The following TTC3 variants were observed in gnomAD, a reference collection of about 807,000 sequenced individuals.
TTC3 encodes the protein tetratricopeptide repeat domain 3, also known as E3 ubiquitin-protein ligase TTC3.
TTC3 carries 180 observed loss-of-function variants against 249.6 expected under a neutral mutation model. The ratio of observed to expected loss-of-function variants is 0.72; its 90% confidence interval spans 0.64 to 0.82. The LOEUF is 0.82. Among genes scored for constraint, TTC3 ranks in the 40% least tolerant of loss-of-function variants. The pLI, the probability that TTC3 is intolerant of heterozygous loss-of-function variation, is 0.00. For missense variants in TTC3, 2,061 were observed against 2,398.4 expected (o/e 0.86, Z 2.94); for synonymous variants, 717 against 805.0 (o/e 0.89, Z 1.85).
intron 15 of TTC3, among the ~76,000 whole-genome samples, chr21:37,127,314 G>A (rs957493719): frequency 6.6e-6 from 1 of 152,104 alleles, no homozygotes; most frequent in East Asian, 1.9e-4. Context: ...CCATAACAGT[G>A]CTGTAGGCTA....
At chr21:37,126,773 C>T (rs77113700) in intron 15 of TTC3, among the ~76,000 whole-genome samples, 2,743 of 152,228 alleles carry the variant, frequency 0.018, 40 homozygotes, top group South Asian at 0.032. Context: ...GTCTTCTTCC[C>T]GGTTCATAGA....
intron 16 of TTC3, among the ~76,000 whole-genome samples, chr21:37,132,337 T>C (rs2077538323): frequency 2.1e-5 from 1 of 46,786 alleles, no homozygotes; most frequent in Admixed American, 2.6e-4. Flanking sequence ...TTTTTTTTCT[T>C]TTTTTTTTTT....
At chr21:37,107,076 GT>G (rs71198849) in intron 10 of TTC3, among the ~76,000 whole-genome samples, 60,446 of 135,198 alleles carry the variant, frequency 0.45, 12,761 homozygotes, top group Non-Finnish European at 0.51. Context: ...TATCTAGTTG[GT>G]TTTTTTTTTT....
In TTC3 at chr21:37,191,425, G is replaced by T; in HGVS notation, c.5115+1G>T. ...TACAAAAGAAATTGAGAAAGCAAAGGTAAGTTGTAAACATCTTTTAATCCC... is the reference window on the plus strand; with the variant it reads ...TACAAAAGAAATTGAGAAAGCAAAGTTAAGTTGTAAACATCTTTTAATCCC... On this transcript the variant is annotated splice_donor_variant, in intron 40 of 45. Coordinates refer to ENST00000355666, the Ensembl canonical transcript of TTC3. LOFTEE classifies it high-confidence loss of function. The T allele has an allele frequency of 6.4e-7, 1 of 1,555,122 alleles. No individual in the cohort carries two copies. The highest frequency in any genetic ancestry group is 8.7e-7 in the Non-Finnish European group (1 of 1,150,338).
At chr21:37,112,595 C>T (rs974481894) in intron 11 of TTC3, among the ~76,000 whole-genome samples, 6 of 152,132 alleles carry the variant, frequency 3.9e-5, no homozygotes, top group South Asian at 4.1e-4. Flanking sequence ...GATTCACAGC[C>T]GAATTCTACC....
At chr21:37,127,667 T>G (rs2077140719) in intron 15 of TTC3, among the ~76,000 whole-genome samples, 1 of 152,174 alleles carries the variant, frequency 6.6e-6, no homozygotes, top group Non-Finnish European at 1.5e-5. Flanking sequence ...GATTTTTTAG[T>G]TAGTGATCCT....
intron 45 of TTC3, among the ~76,000 whole-genome samples, chr21:37,201,081 G>C (rs983607130): frequency 2.0e-5 from 3 of 152,206 alleles, no homozygotes; most frequent in Admixed American, 6.5e-5. Flanking sequence ...CCAGGCCAAG[G>C]GATGGGCTAA....
chr21:37,201,310 A>G, intron 45 of TTC3, 130 bp from the exon 46 acceptor site: 2 of 1,136,280 alleles, frequency 1.8e-6, no homozygotes, highest in East Asian at 4.7e-5. Context: ...GTCCCTGAGT[A>G]TTGGGCAGCT....
chr21:37,138,841 T>TAAAAATCTGAA, intron 19 of TTC3, 127 bp downstream of exon 19: 1 of 545,338 alleles, frequency 1.8e-6, no homozygotes, highest in Non-Finnish European at 3.0e-6. Flanking sequence ...ATATCTCAGT[T>TAAAAATCTGAA]TAATTTAGTT....
At chr21:37,091,248 G>T in intron 6 of TTC3, 45 bp from the exon 7 acceptor site, 2 of 1,580,874 alleles carry the variant, frequency 1.3e-6, no homozygotes, top group South Asian at 2.3e-5. Flanking sequence ...TGCAAATTTA[G>T]AATTAATAAC....
At chr21:37,102,363 A>G (rs377651116) in intron 10 of TTC3, among the ~76,000 whole-genome samples, 18 of 152,310 alleles carry the variant, frequency 1.2e-4, no homozygotes, top group African/African-American at 4.3e-4. Flanking sequence ...ATGGCTTGCA[A>G]AATTCTTGCA....
intron 36 of TTC3, among the ~76,000 whole-genome samples, chr21:37,184,441 G>A (rs1037571397): frequency 7.9e-5 from 12 of 151,046 alleles, no homozygotes; most frequent in Non-Finnish European, 4.4e-5. Flanking sequence ...TAAGCCACAC[G>A]CTTCTCTCTA....
At chr21:37,151,999 A>G (rs751741743) in exon 26 of TTC3, 1 of 1,596,844 alleles carries the variant, frequency 6.3e-7, no homozygotes, top group Non-Finnish European at 8.5e-7. Flanking sequence ...CTTAAGAGAA[A>G]GTAATCCACC....
chr21:37,101,604 A>G (rs917890486), intron 10 of TTC3, among the ~76,000 whole-genome samples: 3 of 152,170 alleles, frequency 2.0e-5, no homozygotes, highest in African/African-American at 7.2e-5. Flanking sequence ...TCATCTCTTC[A>G]GATCCTTGTG....
At chr21:37,150,029 C>A in intron 23 of TTC3, 49 bp from the exon 24 acceptor site, 1 of 1,325,130 alleles carries the variant, frequency 7.5e-7, no homozygotes, top group South Asian at 1.3e-5. Flanking sequence ...TAGATTTATC[C>A]CCCCTAGACA....
chr21:37,097,215 TTTTA>T lies in TTC3; in HGVS notation c.845+579_845+582del, dbSNP rs1271920203. 5.3e-5 allele frequency among the ~76,000 whole-genome samples: 8 copies of T among 152,262 alleles called. No homozygotes were observed. The East Asian group carries it at 1.3e-3, about 26-fold the overall frequency. ...TCCTTATATTGAATTTGAGCTGAGT[TTTTA>T]TTTATTAGCTAAGAAAGATTGAGAA... is the stretch of plus-strand genomic sequence containing the variant. On this transcript the variant is annotated intron_variant, in intron 10 of 45. Transcript: ENST00000355666.
intron 11 of TTC3, among the ~76,000 whole-genome samples, chr21:37,109,427 C>A (rs2075398276): frequency 6.6e-6 from 1 of 152,248 alleles, no homozygotes; most frequent in African/African-American, 2.4e-5. Context: ...CCGCACCTGG[C>A]TCGGAGGGTC....
At chr21:37,133,492 A>G (rs1021940297) in intron 17 of TTC3, among the ~76,000 whole-genome samples, 1 of 152,238 alleles carries the variant, frequency 6.6e-6, no homozygotes, top group Non-Finnish European at 1.5e-5. Flanking sequence ...TCTAAACACC[A>G]TGAAATACTT....
chr21:37,111,388 G>T (rs968004632), intron 11 of TTC3, among the ~76,000 whole-genome samples: 1 of 152,112 alleles, frequency 6.6e-6, no homozygotes, highest in Non-Finnish European at 1.5e-5. Context: ...ACGAAAAAAG[G>T]CAGGGGTTGC....
Sources: gnomAD v4.1 joint callset for allele counts (sites outside exome capture counted in the v4.1 genomes callset) on GRCh38, gnomAD v4.1.1 for gene constraint, MANE v1.5 for transcripts, NCBI Gene and HGNC (gene_info 2026-07-23, HGNC 2026-07-21) for gene names.